Variants in PPP2R1A observed in about 807,000 individuals in gnomAD.
PPP2R1A encodes the protein serine/threonine-protein phosphatase 2A 65 kDa regulatory subunit A alpha isoform.
PPP2R1A carries 15 observed loss-of-function variants against 67.1 expected under a neutral mutation model. That is an observed-to-expected ratio of 0.22 (90% CI 0.15 to 0.34). PPP2R1A has a LOEUF of 0.34. PPP2R1A is among the 10% of genes least tolerant of loss of function. The probability of loss-of-function intolerance (pLI) is 1.00; values close to 1 mark genes in which losing one functional copy is unlikely to be tolerated. For missense variants in PPP2R1A, 369 were observed against 775.0 expected (o/e 0.48, Z 6.22); for synonymous variants, 337 against 325.0 (o/e 1.04, Z -0.40).
chr19:52,195,725 G>T (rs1230883252), intron 1 of PPP2R1A, among the ~76,000 whole-genome samples: 2 of 152,206 alleles, frequency 1.3e-5, no homozygotes, highest in African/African-American at 2.4e-5. Context: ...AAAGAATACA[G>T]ATGAAGAGAG....
intron 13 of PPP2R1A, among the ~76,000 whole-genome samples, chr19:52,225,013 T>G (rs1979166801): frequency 5.9e-5 from 8 of 135,588 alleles, no homozygotes; most frequent in Non-Finnish European, 7.8e-5. Context: ...GAGTTTACCT[T>G]TTTTTTTTTT....
chr19:52,212,789 A>T lies in PPP2R1A; in HGVS notation c.607A>T (p.Ser203Cys), dbSNP rs372716916. The change falls in exon 5 of 15, where the codon AGT becomes TGT. Residue 203 changes from serine to cysteine, a missense_variant. Around this residue, in one of 2 missense-constraint regions of PPP2R1A, gnomAD observed 276 missense variants for 508.4 expected, o/e 0.54. Transcript: ENST00000322088. This position sits in a 1 kb window ranked among gnomAD's most constrained non-coding sequence, Gnocchi z 4.1. ...AKVLELDNVK[S>C]EIIPMFSNLA... ...GGTGCTGGAGCTGGACAACGTCAAGAGTGAGATCATCCCCATGTTCTCCAA... is the reference window on the plus strand; with the variant it reads ...GGTGCTGGAGCTGGACAACGTCAAGTGTGAGATCATCCCCATGTTCTCCAA... 14 of 1,613,126 alleles carry T rather than the reference A, an allele frequency of 8.7e-6. No individual in the cohort carries two copies. The African/African-American group carries it at 1.6e-4, about 18-fold the overall frequency.
chr19:52,190,075 A>T lies in PPP2R1A; in HGVS notation c.-22A>T. On this transcript the variant is annotated 5_prime_UTR_variant, in exon 1 of 15. Coordinates refer to ENST00000322088, the MANE Select transcript of PPP2R1A (RefSeq NM_014225.6). The stretch of plus-strand genomic sequence containing the variant: ...TCAGCACAGCGCTGGCCGCAGTCTG[A>T]CAGGAAAGGGACGGAGCCAAGATGG... 6.5e-7 allele frequency: 1 copy of T among 1,538,080 alleles called. No individual in the cohort carries two copies. The highest frequency in any genetic ancestry group is 8.8e-7 in the Non-Finnish European group (1 of 1,138,030).
chr19:52,190,268 G>A (rs988945916), intron 1 of PPP2R1A, 94 bp downstream of exon 1: 2 of 1,374,408 alleles, frequency 1.5e-6, no homozygotes, highest in Admixed American at 4.4e-5. Context: ...CGCTGGGAGT[G>A]GCGGAAGGGG....
At chr19:52,192,327 C>T (rs1184298286) in intron 1 of PPP2R1A, among the ~76,000 whole-genome samples, 2 of 149,708 alleles carry the variant, frequency 1.3e-5, no homozygotes, top group Admixed American at 6.7e-5. Flanking sequence ...TTTTTTGAGA[C>T]GGAGTCTTGT....
Position 52,219,932 on chromosome 19 carries a change from A to T in PPP2R1A, c.1302+68A>T, listed in dbSNP as rs560325805. The T allele has an allele frequency of 1.1e-5, 16 of 1,522,672 alleles. No homozygotes were observed. In the African/African-American group the frequency reaches 2.1e-4, roughly 20 times the overall value. 94.3% of individuals were successfully genotyped at this position (1,522,672 alleles called of 1,614,324 possible). A position where few individuals can be genotyped will look rare whatever the true frequency, so the allele number is the denominator to read the frequency against. On this transcript the variant is annotated intron_variant, in intron 10 of 14. Coordinates refer to ENST00000322088, the MANE Select transcript of PPP2R1A (RefSeq NM_014225.6). This position sits in a 1 kb window ranked among gnomAD's most constrained non-coding sequence, Gnocchi z 4.0. ...GAGGTGCAGTATGTCCAGGGCTGTGATGGGGAAACGGGGCTTTGAAGGCTT... is the reference window on the plus strand; with the variant it reads ...GAGGTGCAGTATGTCCAGGGCTGTGTTGGGGAAACGGGGCTTTGAAGGCTT...
At chr19:52,203,725 T>A (rs1362519928) in intron 2 of PPP2R1A, among the ~76,000 whole-genome samples, 1 of 152,128 alleles carries the variant, frequency 6.6e-6, no homozygotes. Context: ...CAGGTTCAGA[T>A]CCCACAGATT....
At chr19:52,197,936 C>T (rs894029722) in intron 1 of PPP2R1A, among the ~76,000 whole-genome samples, 2 of 152,186 alleles carry the variant, frequency 1.3e-5, no homozygotes, top group African/African-American at 4.8e-5. Flanking sequence ...TGTTATTATT[C>T]TGTCATGGTG....
At chr19:52,190,239 G>T (rs543135221) in intron 1 of PPP2R1A, 65 bp downstream of exon 1, 40 of 1,514,242 alleles carry the variant, frequency 2.6e-5, no homozygotes, top group Non-Finnish European at 3.4e-5. Context: ...GGCGGCCCTC[G>T]CGGAGAAGAC....
Position 52,212,414 on chromosome 19 carries a change from T to A in PPP2R1A, c.504-272T>A, listed in dbSNP as rs2089678251. The A allele has an allele frequency of 2.2e-6, 1 of 463,150 alleles. No homozygotes were observed. Among genetic ancestry groups the A allele is most frequent in the Admixed American group, 4.0e-5 (1 of 24,820 alleles). 28.7% of individuals were successfully genotyped at this position (463,150 alleles called of 1,614,324 possible). ...GGTTAAGCAATTTTTATGGGAATGA[T>A]GTAATCGTCAGCACTTAGCATTGAC... is the stretch of plus-strand genomic sequence containing the variant. On this transcript the variant is annotated intron_variant, in intron 4 of 14. Transcript: ENST00000322088. This position sits in a 1 kb window ranked among gnomAD's most constrained non-coding sequence, Gnocchi z 4.1.
chr19:52,193,949 CAA>C (rs781755185), intron 1 of PPP2R1A, among the ~76,000 whole-genome samples: 6 of 116,878 alleles, frequency 5.1e-5, no homozygotes, highest in Admixed American at 8.9e-5. Context: ...CTGTCTCTAC[CAA>C]AAAAAAAAAA....
chr19:52,202,335 A>G (rs1344094506), intron 2 of PPP2R1A, among the ~76,000 whole-genome samples: 2 of 152,206 alleles, frequency 1.3e-5, no homozygotes, highest in African/African-American at 4.8e-5. Flanking sequence ...TATATTTTTC[A>G]TCTGTAGATT....
chr19:52,193,468 A>G (rs894218021), intron 1 of PPP2R1A, among the ~76,000 whole-genome samples: 1 of 152,240 alleles, frequency 6.6e-6, no homozygotes, highest in Non-Finnish European at 1.5e-5. Flanking sequence ...TGTGGGGTTT[A>G]CATTCTGGTT....
intron 1 of PPP2R1A, among the ~76,000 whole-genome samples, chr19:52,199,493 G>C (rs1403280219): frequency 1.3e-5 from 2 of 152,144 alleles, no homozygotes; most frequent in Non-Finnish European, 2.9e-5. Flanking sequence ...TATTATGAAA[G>C]TTTTCAGACA....
At chr19:52,199,476 A>G (rs1438332234) in intron 1 of PPP2R1A, among the ~76,000 whole-genome samples, 1 of 152,158 alleles carries the variant, frequency 6.6e-6, no homozygotes. Flanking sequence ...GCCTCCCCAC[A>G]GTATTTTATT....
At chr19:52,192,469 G>A (rs183418046) in intron 1 of PPP2R1A, among the ~76,000 whole-genome samples, 114 of 152,054 alleles carry the variant, frequency 7.5e-4, no homozygotes, top group Non-Finnish European at 1.4e-3. Context: ...CACCACGCCT[G>A]GCTGATTTTT....
intron 3 of PPP2R1A, among the ~76,000 whole-genome samples, chr19:52,209,682 C>G (rs930648802): frequency 6.6e-6 from 1 of 152,160 alleles, no homozygotes; most frequent in African/African-American, 2.4e-5. Context: ...CCCCTTCCCT[C>G]TCCCCCAGCC....
chr19:52,200,843 G>A (rs183506699), intron 1 of PPP2R1A, among the ~76,000 whole-genome samples: 3 of 152,348 alleles, frequency 2.0e-5, no homozygotes, highest in East Asian at 3.9e-4. Context: ...TCTCTTAGAA[G>A]GACACTGTCA....
intron 2 of PPP2R1A, 73 bp downstream of exon 2, chr19:52,202,107 T>C: frequency 2.3e-6 from 3 of 1,292,894 alleles, no homozygotes; most frequent in Non-Finnish European, 3.3e-6. Context: ...AAGAGAAGAC[T>C]TGTGGATTTA....
Sources: gnomAD v4.1 joint callset for allele counts (sites outside exome capture counted in the v4.1 genomes callset) on GRCh38, gnomAD v4.1.1 for gene constraint, gnomAD v4.1.1 regional missense constraint, Gnocchi (gnomAD v3.1) non-coding constraint, MANE v1.5 for transcripts, NCBI Gene and HGNC (gene_info 2026-07-23, HGNC 2026-07-21) for gene names.